The following MINDY3 variants were observed in gnomAD, a reference collection of about 807,000 sequenced individuals.
MINDY3 encodes the protein MINDY lysine 48 deubiquitinase 3.
In MINDY3, 38 loss-of-function variants were observed where a neutral mutation model predicts 69.2. The observed-to-expected ratio is 0.55, with a 90% CI of 0.42 to 0.72. MINDY3 has a LOEUF of 0.72. Among genes scored for constraint, MINDY3 ranks in the 30% least tolerant of loss-of-function variants. The probability of loss-of-function intolerance (pLI) is 0.00; values close to 1 mark genes in which losing one functional copy is unlikely to be tolerated. For synonymous variants in MINDY3, 192 were observed against 180.1 expected (o/e 1.07, Z -0.53); for missense variants, 522 against 519.0 (o/e 1.01, Z -0.06).
chr10:15,848,633 C>CAAAAAAAAAAAAAAAAAAA lies in MINDY3; in HGVS notation c.95-709_95-691dup, dbSNP rs10719399. On this transcript the variant is annotated intron_variant, in intron 1 of 14. Transcript: ENST00000277632. ...TGGGCCACAGAGCTAGACTTCATCT[C>CAAAAAAAAAAAAAAAAAAA]AAAAAAAAAAAAAAAAAAAAAAAAA... Among the ~76,000 whole-genome samples, 26 of 48,800 alleles carry CAAAAAAAAAAAAAAAAAAA rather than the reference C, an allele frequency of 5.3e-4. 1 individual carries two copies. Among genetic ancestry groups the CAAAAAAAAAAAAAAAAAAA allele is most frequent in the African/African-American group, 3.1e-3 (22 of 7,164 alleles). The allele number at this position is 48,800 out of a possible 152,430, so 32.0% of individuals were successfully genotyped here.
chr10:15,827,087 G>A (rs896755131), intron 8 of MINDY3, among the ~76,000 whole-genome samples: 1 of 149,632 alleles, frequency 6.7e-6, no homozygotes, highest in Non-Finnish European at 1.5e-5. Flanking sequence ...ACTGCACTAT[G>A]GCCTGGGTGA....
intron 14 of MINDY3, among the ~76,000 whole-genome samples, chr10:15,781,567 T>C (rs1836534927): frequency 6.6e-6 from 1 of 152,110 alleles, no homozygotes. Flanking sequence ...TGTCAACGGT[T>C]AGCAAAGGAA....
intron 14 of MINDY3, among the ~76,000 whole-genome samples, chr10:15,780,085 T>A (rs1290397834): frequency 6.6e-6 from 1 of 152,198 alleles, no homozygotes; most frequent in Non-Finnish European, 1.5e-5. Context: ...TTTTTACACA[T>A]TCACTGGCTG....
At chr10:15,794,139 T>G (rs372560369) in intron 11 of MINDY3, among the ~76,000 whole-genome samples, 1 of 152,062 alleles carries the variant, frequency 6.6e-6, no homozygotes, top group South Asian at 2.1e-4. Context: ...TCCTTCTAGG[T>G]CAGTTATTCT....
rs1279642372 is a variant in MINDY3 at position 15,779,287 on chromosome 10, G to A, written c.1189-146C>T. 13 of 591,092 alleles carry A rather than the reference G, an allele frequency of 2.2e-5. No homozygotes were observed. The South Asian group carries it at 4.9e-4, about 22-fold the overall frequency. 36.6% of individuals were successfully genotyped at this position (591,092 alleles called of 1,614,324 possible). On this transcript the variant is annotated intron_variant, in intron 14 of 14. Coordinates refer to ENST00000277632, the MANE Select transcript of MINDY3 (RefSeq NM_024948.4). ...CATGTAATTTTATTTTGCTAGAAAT[G>A]AGAAGGAATATCTGCTTACTGATTA...
intron 1 of MINDY3, among the ~76,000 whole-genome samples, chr10:15,856,120 A>G (rs1652139062): frequency 6.6e-6 from 1 of 152,096 alleles, no homozygotes; most frequent in Admixed American, 6.5e-5. Context: ...GATCCACAGT[A>G]TTAGCTTCAC....
At chr10:15,805,305 C>T (rs572489075) in intron 10 of MINDY3, among the ~76,000 whole-genome samples, 32 of 152,220 alleles carry the variant, frequency 2.1e-4, no homozygotes, top group Middle Eastern at 3.4e-3. Context: ...AATTACTTAT[C>T]CCCAGCCAAC....
intron 8 of MINDY3, among the ~76,000 whole-genome samples, chr10:15,827,434 G>T (rs1164706248): frequency 1.3e-5 from 2 of 151,750 alleles, no homozygotes; most frequent in African/African-American, 4.8e-5. Flanking sequence ...CCAGCTACTC[G>T]GGAGGCTGAG....
chr10:15,800,076 A>G (rs1406432969), intron 10 of MINDY3, among the ~76,000 whole-genome samples: 1 of 152,156 alleles, frequency 6.6e-6, no homozygotes, highest in Non-Finnish European at 1.5e-5. Flanking sequence ...CTCAATAAAT[A>G]TATTGGAAAT....
intron 6 of MINDY3, among the ~76,000 whole-genome samples, chr10:15,836,459 T>G (rs1359265088): frequency 1.3e-5 from 2 of 151,940 alleles, no homozygotes; most frequent in African/African-American, 4.8e-5. Flanking sequence ...CCCATATTAT[T>G]AATACAGACA....
At chr10:15,789,447 AGTTT>A in intron 11 of MINDY3, 128 bp from the exon 12 acceptor site, 1 of 610,790 alleles carries the variant, frequency 1.6e-6, no homozygotes, top group Non-Finnish European at 2.8e-6. Context: ...CTATTCCTTA[AGTTT>A]ATTTTAGGCA....
chr10:15,786,976 G>A (rs1443231604), intron 12 of MINDY3, among the ~76,000 whole-genome samples: 1 of 152,048 alleles, frequency 6.6e-6, no homozygotes, highest in African/African-American at 2.4e-5. Context: ...TTGCTTCATA[G>A]GTATGCCTGA....
chr10:15,822,267 T>C (rs547168466), intron 8 of MINDY3, among the ~76,000 whole-genome samples: 16 of 152,050 alleles, frequency 1.1e-4, no homozygotes, highest in African/African-American at 3.9e-4. Flanking sequence ...TAGAAAATGA[T>C]CTCTGCCTTA....
chr10:15,856,843 C>G (rs1346309469), intron 1 of MINDY3, among the ~76,000 whole-genome samples: 1 of 152,188 alleles, frequency 6.6e-6, no homozygotes, highest in Non-Finnish European at 1.5e-5. Flanking sequence ...GTTGTGGTCA[C>G]TCTGTCCGCT....
At chr10:15,832,814 T>A (rs535053594) in intron 8 of MINDY3, among the ~76,000 whole-genome samples, 1 of 152,310 alleles carries the variant, frequency 6.6e-6, no homozygotes, top group Non-Finnish European at 1.5e-5. Context: ...ATTTCTGAAT[T>A]TGAGAAAAAT....
intron 13 of MINDY3, among the ~76,000 whole-genome samples, chr10:15,785,705 CCTCT>C (rs536883242): frequency 1.2e-3 from 187 of 152,216 alleles, no homozygotes; most frequent in African/African-American, 2.2e-3. Context: ...TTGAATCTTA[CCTCT>C]TTCTTAACAA....
At chr10:15,813,861 C>T (rs1369664903) in intron 10 of MINDY3, among the ~76,000 whole-genome samples, 1 of 150,540 alleles carries the variant, frequency 6.6e-6, no homozygotes, top group Non-Finnish European at 1.5e-5. Context: ...AATACACCAA[C>T]AAACATATCA....
intron 12 of MINDY3, among the ~76,000 whole-genome samples, chr10:15,788,259 T>C (rs530591534): frequency 6.6e-6 from 1 of 152,282 alleles, no homozygotes; most frequent in South Asian, 2.1e-4. Context: ...ACACTCTGAA[T>C]TTCTCTTTAA....
At chr10:15,840,491 G>A (rs1588630796) in intron 4 of MINDY3, among the ~76,000 whole-genome samples, 1 of 151,634 alleles carries the variant, frequency 6.6e-6, no homozygotes, top group African/African-American at 2.4e-5. Flanking sequence ...AGGCATTTTA[G>A]TCCAGGGAGG....
Sources: gnomAD v4.1 joint callset for allele counts (sites outside exome capture counted in the v4.1 genomes callset) on GRCh38, gnomAD v4.1.1 for gene constraint, MANE v1.5 for transcripts, NCBI Gene and HGNC (gene_info 2026-07-23, HGNC 2026-07-21) for gene names.